The following IL34 variants were observed in gnomAD, a reference collection of about 807,000 sequenced individuals.
IL34 encodes interleukin-34.
In IL34, 17 loss-of-function variants were observed where a neutral mutation model predicts 25.3. The observed-to-expected ratio is 0.67, with a 90% CI of 0.46 to 1.01. The LOEUF (loss-of-function observed/expected upper bound fraction) is 1.01. Among genes scored for constraint, IL34 ranks in the 50% least tolerant of loss-of-function variants. The pLI is 0.00. For missense variants in IL34, 368 were observed against 312.9 expected (o/e 1.18, Z -1.33); for synonymous variants, 174 against 140.9 (o/e 1.23, Z -1.66).
intron 2 of IL34, among the ~76,000 whole-genome samples, chr16:70,655,641 C>T (rs1256070955): frequency 3.9e-5 from 6 of 152,162 alleles, no homozygotes; most frequent in African/African-American, 1.4e-4. Context: ...ATATGCCCAC[C>T]TTGGCCTCCC....
intron 1 of IL34, chr16:70,580,180 A>G (rs1384015668): frequency 1.3e-5 from 2 of 152,280 alleles, no homozygotes; most frequent in Non-Finnish European, 1.5e-5. Context: ...CTTGACAAAG[A>G]CAGTCCCAGC....
At chr16:70,659,873 C>T in intron 5 of IL34, 120 bp downstream of exon 5, 2 of 1,483,170 alleles carry the variant, frequency 1.3e-6, no homozygotes, top group Non-Finnish European at 1.8e-6. Flanking sequence ...GGGCTACAAG[C>T]CATTTCTGGA....
At chr16:70,621,737 C>T (rs1192542298) in intron 1 of IL34, among the ~76,000 whole-genome samples, 11 of 151,972 alleles carry the variant, frequency 7.2e-5, no homozygotes, top group Admixed American at 2.0e-4. Context: ...AGGGTGGGGC[C>T]GTTTTATAGG....
chr16:70,655,579 A>G (rs1044512128), intron 2 of IL34, among the ~76,000 whole-genome samples: 5 of 151,958 alleles, frequency 3.3e-5, no homozygotes, highest in African/African-American at 1.2e-4. Flanking sequence ...TTGAGTAGAG[A>G]CAGGGGTTCA....
rs113866885 is a variant in IL34, at chr16:70,656,900, A to T, written c.241-60A>T. ...TGCAGGGGCAAGTCCCTGGTGAGGG[A>T]GTGGTCAGAGCCCAGAGGCCCATGT... On this transcript the variant is annotated intron_variant, in intron 3 of 5. Transcript: ENST00000288098. 5 of 1,539,688 alleles carry T rather than the reference A, an allele frequency of 3.2e-6. No homozygotes were observed. The African/African-American group carries it at 4.1e-5, about 13-fold the overall frequency.
At chr16:70,634,243 A>T (rs2051588031) in intron 1 of IL34, among the ~76,000 whole-genome samples, 1 of 152,032 alleles carries the variant, frequency 6.6e-6, no homozygotes, top group East Asian at 1.9e-4. Flanking sequence ...GTATGCAAAT[A>T]CTCTGTTTCC....
At chr16:70,615,430 C>T (rs2051158874) in intron 1 of IL34, among the ~76,000 whole-genome samples, 1 of 152,064 alleles carries the variant, frequency 6.6e-6, no homozygotes, top group Non-Finnish European at 1.5e-5. Context: ...TTGCTTGAAC[C>T]TGGGAGGTGG....
At chr16:70,600,681 G>A (rs2050901359) in intron 1 of IL34, among the ~76,000 whole-genome samples, 1 of 152,166 alleles carries the variant, frequency 6.6e-6, no homozygotes, top group South Asian at 2.1e-4. Context: ...ACAATCAGTC[G>A]TGCATTAGGC....
intron 1 of IL34, among the ~76,000 whole-genome samples, chr16:70,582,841 C>T (rs762711604): frequency 9.9e-5 from 15 of 152,258 alleles, no homozygotes; most frequent in Admixed American, 3.9e-4. Flanking sequence ...AGACAATGGC[C>T]CAGTCAGCCT....
At chr16:70,589,602 T>G (rs926265798) in intron 1 of IL34, among the ~76,000 whole-genome samples, 16 of 151,432 alleles carry the variant, frequency 1.1e-4, no homozygotes, top group Non-Finnish European at 1.8e-4. Context: ...ACATTTCACC[T>G]TATGTGTTTT....
At chr16:70,601,655 C>T (rs2050919764) in intron 1 of IL34, among the ~76,000 whole-genome samples, 3 of 152,360 alleles carry the variant, frequency 2.0e-5, no homozygotes, top group East Asian at 1.9e-4. Context: ...CTGTCTTGGC[C>T]TCCCCAAGTA....
At chr16:70,653,637 G>A (rs2052137461) in intron 1 of IL34, among the ~76,000 whole-genome samples, 1 of 152,114 alleles carries the variant, frequency 6.6e-6, no homozygotes, top group African/African-American at 2.4e-5. Flanking sequence ...GTTCTAGGAT[G>A]CAATGAGCCA....
chr16:70,641,569 T>A (rs984723203), upstream of IL34, among the ~76,000 whole-genome samples: 2 of 149,954 alleles, frequency 1.3e-5, no homozygotes, highest in African/African-American at 4.9e-5. Context: ...TTCTTTCTTT[T>A]TTTTTTTACT....
intron 1 of IL34, among the ~76,000 whole-genome samples, chr16:70,592,057 G>A (rs576752192): frequency 6.8e-5 from 10 of 147,892 alleles, no homozygotes; most frequent in East Asian, 4.0e-4. Context: ...GCATGGGGGC[G>A]GCGGGGAGGT....
chr16:70,624,239 G>A (rs1196863982), intron 1 of IL34, among the ~76,000 whole-genome samples: 46 of 151,894 alleles, frequency 3.0e-4, no homozygotes, highest in African/African-American at 7.5e-4. Flanking sequence ...TTTCCGGCAC[G>A]TGTAGCAAGC....
intron 1 of IL34, among the ~76,000 whole-genome samples, chr16:70,613,608 T>C (rs1023129461): frequency 1.3e-5 from 2 of 152,100 alleles, no homozygotes; most frequent in Admixed American, 6.5e-5. Flanking sequence ...GAGTGGTGGC[T>C]CACACCTGTA....
chr16:70,612,320 G>C (rs1463748133), intron 1 of IL34, among the ~76,000 whole-genome samples: 1 of 151,800 alleles, frequency 6.6e-6, no homozygotes, highest in Admixed American at 6.6e-5. Context: ...AGCACTGGGG[G>C]CTGGGGGCTG....
chr16:70,640,313 G>T (rs984509872), intron 1 of IL34, among the ~76,000 whole-genome samples: 37 of 152,020 alleles, frequency 2.4e-4, no homozygotes, highest in African/African-American at 8.7e-4. Context: ...GGCTAATTTT[G>T]TATTTTTTAT....
intron 1 of IL34, among the ~76,000 whole-genome samples, chr16:70,617,489 T>C (rs1469246298): frequency 6.6e-6 from 1 of 151,958 alleles, no homozygotes; most frequent in East Asian, 1.9e-4. Flanking sequence ...ACAAGTTTTT[T>C]TGGGGCACAG....
Sources: allele counts gnomAD v4.1 joint callset (sites outside exome capture counted in the v4.1 genomes callset), GRCh38; gene constraint gnomAD v4.1.1; transcripts MANE v1.5; gene names NCBI Gene and HGNC (gene_info 2026-07-23, HGNC 2026-07-21).